Variants in CACNA1E observed in about 807,000 individuals in gnomAD.
CACNA1E encodes calcium voltage-gated channel subunit alpha1 E.
Under a neutral mutation model 259.2 loss-of-function variants are expected in CACNA1E, and 40 were observed. The observed-to-expected ratio is 0.15, with a 90% CI of 0.12 to 0.20. CACNA1E has a LOEUF of 0.20. Among genes scored for constraint, CACNA1E ranks in the 10% least tolerant of loss-of-function variants. The probability of loss-of-function intolerance (pLI) is 1.00; values close to 1 mark genes in which losing one functional copy is unlikely to be tolerated. For synonymous variants in CACNA1E, 1,104 were observed against 1,138.5 expected, an observed-to-expected ratio of 0.97 and a Z score of 0.61; for missense variants, 1,874 against 3,040.1, an observed-to-expected ratio of 0.62 and a Z score of 9.02.
intron 1 of CACNA1E, among the ~76,000 whole-genome samples, chr1:181,344,780 G>T (rs1652457142): frequency 6.6e-6 from 1 of 152,184 alleles, no homozygotes. Context: ...TAGCACTGAG[G>T]CCCCCGGGCT....
chr1:181,641,712 T>TG lies in CACNA1E; in HGVS notation c.952-9626_952-9625insG, dbSNP rs1332230080. 1.2e-4 allele frequency among the ~76,000 whole-genome samples: 8 copies of TG among 67,434 alleles called. No homozygotes were observed. The East Asian group carries it at 3.5e-3, about 30-fold the overall frequency. 44.2% of individuals were successfully genotyped at this position (67,434 alleles called of 152,430 possible). On this transcript the variant is annotated intron_variant, in intron 6 of 47. Coordinates refer to ENST00000367573, the MANE Select transcript of CACNA1E (RefSeq NM_001205293.3). ...GCAACACTAATTTTTTGTTTTTTTT[T>TG]TTTTTTTTTTTTTTTTTTTGAGACA...
At chr1:181,661,095 C>T (rs1445911578) in intron 7 of CACNA1E, among the ~76,000 whole-genome samples, 5 of 152,120 alleles carry the variant, frequency 3.3e-5, no homozygotes, top group Admixed American at 2.0e-4. Context: ...CGATAGTTTG[C>T]GAGCACAAGG....
At chr1:181,588,819 G>C (rs953852132) in intron 6 of CACNA1E, among the ~76,000 whole-genome samples, 3 of 152,202 alleles carry the variant, frequency 2.0e-5, no homozygotes, top group African/African-American at 7.2e-5. Context: ...GGCAACACCA[G>C]GCCTTAGGAC....
chr1:181,403,027 C>G (rs1437713378), intron 1 of CACNA1E, among the ~76,000 whole-genome samples: 1 of 152,114 alleles, frequency 6.6e-6, no homozygotes, highest in Non-Finnish European at 1.5e-5. Flanking sequence ...AGAAATGGAA[C>G]TAATACCATT....
At chr1:181,731,671 C>T (rs1251641094) in intron 19 of CACNA1E, among the ~76,000 whole-genome samples, 1 of 152,116 alleles carries the variant, frequency 6.6e-6, no homozygotes, top group Non-Finnish European at 1.5e-5. Context: ...CTCCCATGTG[C>T]TCTCCTGCAC....
chr1:181,712,346 T>C (rs1255647116), intron 8 of CACNA1E, among the ~76,000 whole-genome samples: 2 of 152,242 alleles, frequency 1.3e-5, no homozygotes, highest in African/African-American at 4.8e-5. Context: ...GACAGTATCT[T>C]TTCTCTATTC....
At chr1:181,346,698 G>A (rs1652619566) in intron 1 of CACNA1E, among the ~76,000 whole-genome samples, 3 of 152,108 alleles carry the variant, frequency 2.0e-5, no homozygotes, top group Admixed American at 2.0e-4. Context: ...TTTAACCAGA[G>A]GCTCTTGGGA....
chr1:181,434,070 G>A (rs562242825), intron 2 of CACNA1E, among the ~76,000 whole-genome samples: 11 of 152,286 alleles, frequency 7.2e-5, no homozygotes, highest in Non-Finnish European at 1.3e-4. Context: ...AATCTAAGAT[G>A]AGCTGGGCTT....
At chr1:181,400,185 G>T (rs549655580) in intron 1 of CACNA1E, among the ~76,000 whole-genome samples, 1 of 152,172 alleles carries the variant, frequency 6.6e-6, no homozygotes, top group Non-Finnish European at 1.5e-5. Flanking sequence ...TTATTTCCAG[G>T]ATCTTGCTAG....
intron 2 of CACNA1E, among the ~76,000 whole-genome samples, chr1:181,417,532 A>T (rs1658359215): frequency 6.6e-6 from 1 of 152,178 alleles, no homozygotes; most frequent in Admixed American, 6.5e-5. Flanking sequence ...TTCTTCATGT[A>T]CATATGGGCA....
intron 1 of CACNA1E, among the ~76,000 whole-genome samples, chr1:181,404,511 T>C (rs1400224234): frequency 1.3e-5 from 2 of 152,172 alleles, no homozygotes; most frequent in Non-Finnish European, 2.9e-5. Flanking sequence ...TTGGTAATCA[T>C]GTCGTAAAAT....
At chr1:181,733,809 G>T (rs917612111) in intron 21 of CACNA1E, 59 bp downstream of exon 21, 5 of 1,314,960 alleles carry the variant, frequency 3.8e-6, no homozygotes, top group Non-Finnish European at 5.0e-6. Flanking sequence ...TGGGGCTGGG[G>T]CCATGACAAT....
At position 181,763,525 on chromosome 1, in the gene CACNA1E, C is replaced by T. The variant is rs762633305; in HGVS notation, c.4809C>T (p.Ser1603=). 4.5e-6 allele frequency: 7 copies of T among 1,566,882 alleles called. No individual in the cohort carries two copies. The Admixed American group carries it at 8.6e-5, about 19-fold the overall frequency. The part of the protein sequence containing the change: ...IRILLWTFVQ[S]FKALPYVCLL... ...TTTTGCTGTGGACCTTTGTGCAGTC[C>T]TTTAAGGTAAGAGGTACCAGCAAAT... is the stretch of plus-strand genomic sequence containing the variant. Residue 1603 remains serine (S), a synonymous_variant, in exon 34 of 48, where the codon TCC becomes TCT. Coordinates refer to ENST00000367573, the MANE Select transcript of CACNA1E (RefSeq NM_001205293.3).
chr1:181,473,349 T>C (rs936674127), intron 2 of CACNA1E, among the ~76,000 whole-genome samples: 6 of 152,248 alleles, frequency 3.9e-5, no homozygotes, highest in African/African-American at 1.4e-4. Context: ...TAATTATGCA[T>C]AAATTATGGG....
chr1:181,779,947 T>C (rs553041691), intron 38 of CACNA1E, among the ~76,000 whole-genome samples: 2 of 152,202 alleles, frequency 1.3e-5, no homozygotes, highest in Non-Finnish European at 2.9e-5. Context: ...CTGGCTTCTT[T>C]TCACTGGAGA....
intron 6 of CACNA1E, among the ~76,000 whole-genome samples, chr1:181,597,221 A>C (rs1325429852): frequency 6.6e-6 from 1 of 152,184 alleles, no homozygotes; most frequent in East Asian, 1.9e-4. Flanking sequence ...TATCACCTCC[A>C]TGGGACTTGG....
chr1:181,745,330 ATT>A (rs375841404), intron 25 of CACNA1E: 2,127 of 432,364 alleles, frequency 4.9e-3, no homozygotes, highest in South Asian at 8.0e-3. Flanking sequence ...ACACCCAAGT[ATT>A]TTTTTTTTTT....
intron 6 of CACNA1E, 131 bp from the exon 7 acceptor site, chr1:181,651,207 A>AT (rs1209009106): frequency 1.6e-6 from 1 of 612,384 alleles, no homozygotes; most frequent in African/African-American, 1.9e-5. Context: ...CCAAATTGGG[A>AT]ATGGAGTAAG....
chr1:181,761,290 C>T (rs1338926791), intron 32 of CACNA1E, among the ~76,000 whole-genome samples: 1 of 152,112 alleles, frequency 6.6e-6, no homozygotes, highest in African/African-American at 2.4e-5. Flanking sequence ...CATTCCTTTT[C>T]TTTCTTTATT....
Sources: gnomAD v4.1 joint callset for allele counts (sites outside exome capture counted in the v4.1 genomes callset) on GRCh38, gnomAD v4.1.1 for gene constraint, MANE v1.5 for transcripts, NCBI Gene and HGNC (gene_info 2026-07-23, HGNC 2026-07-21) for gene names.